Variants in NCKAP5 observed in about 807,000 individuals in gnomAD.
NCKAP5 encodes NCK associated protein 5, also known as nck-associated protein 5.
A neutral mutation model predicts 167.0 loss-of-function variants in NCKAP5; 92 were observed. The ratio of observed to expected loss-of-function variants is 0.55; its 90% CI spans 0.47 to 0.66. NCKAP5 has a LOEUF of 0.66. NCKAP5 is among the 30% of genes least tolerant of loss of function. NCKAP5 has a pLI of 0.00. For synonymous variants in NCKAP5, 891 were observed against 877.4 expected (o/e 1.02, Z -0.27); for missense variants, 2,378 against 2,315.0 (o/e 1.03, Z -0.56).
intron 3 of NCKAP5, among the ~76,000 whole-genome samples, chr2:133,470,557 C>A (rs112477318): frequency 1.8e-4 from 27 of 152,362 alleles, no homozygotes; most frequent in African/African-American, 6.3e-4. Flanking sequence ...AGCTTCCTGG[C>A]TGCTTTGTTT....
At chr2:133,060,566 T>A (rs1348531649) in intron 6 of NCKAP5, among the ~76,000 whole-genome samples, 1 of 152,188 alleles carries the variant, frequency 6.6e-6, no homozygotes, top group African/African-American at 2.4e-5. Context: ...GTCCCTGAAA[T>A]CCACTTCACT....
At chr2:132,880,130 T>C (rs1230843141) in intron 8 of NCKAP5, among the ~76,000 whole-genome samples, 2 of 152,176 alleles carry the variant, frequency 1.3e-5, no homozygotes, top group African/African-American at 2.4e-5. Flanking sequence ...AAATGATAGA[T>C]ACTAGAGGCT....
intron 4 of NCKAP5, among the ~76,000 whole-genome samples, chr2:133,233,885 A>T (rs1302511178): frequency 6.6e-6 from 1 of 152,152 alleles, no homozygotes; most frequent in Non-Finnish European, 1.5e-5. Flanking sequence ...TACAGAGGCG[A>T]TTTCTTTGGA....
chr2:133,048,404 AG>A (rs2149477718), intron 6 of NCKAP5, among the ~76,000 whole-genome samples: 1 of 152,350 alleles, frequency 6.6e-6, no homozygotes, highest in African/African-American at 2.4e-5. Flanking sequence ...TGAAACAAAA[AG>A]GGTTCACCTT....
intron 8 of NCKAP5, among the ~76,000 whole-genome samples, chr2:132,944,191 G>T (rs1014268435): frequency 3.9e-5 from 6 of 152,178 alleles, no homozygotes; most frequent in South Asian, 2.1e-4. Flanking sequence ...GAATATGGGA[G>T]TTATCCCTGG....
intron 6 of NCKAP5, among the ~76,000 whole-genome samples, chr2:133,040,845 A>G (rs1314457697): frequency 6.6e-6 from 1 of 152,170 alleles, no homozygotes; most frequent in Non-Finnish European, 1.5e-5. Flanking sequence ...GCTGGTCTAT[A>G]TTTCAGACAT....
chr2:132,782,151 C>CT lies in NCKAP5; in HGVS notation c.4659dup (p.Glu1554ArgfsTer6). 1.2e-6 allele frequency: 2 copies of CT among 1,609,246 alleles called. No homozygotes were observed. The highest frequency in any genetic ancestry group is 1.1e-5 in the South Asian group (1 of 89,534). ...CACTGTAGTTCAGGCTTCTTTTTCTCTTTTTTTCTTTCTGATTTTAGTTGT... is the reference window on the plus strand; with the variant it reads ...CACTGTAGTTCAGGCTTCTTTTTCTCTTTTTTTTCTTTCTGATTTTAGTTGT... On this transcript the variant is annotated frameshift_variant, in exon 14 of 20. Coordinates refer to ENST00000409261, the MANE Select transcript of NCKAP5 (RefSeq NM_207363.3). LOFTEE classifies it high-confidence loss of function.
chr2:133,148,129 C>T (rs2083265162), intron 5 of NCKAP5, among the ~76,000 whole-genome samples: 3 of 152,002 alleles, frequency 2.0e-5, no homozygotes, highest in Admixed American at 2.0e-4. Context: ...TGCTATCAGC[C>T]TGATAGAATT....
intron 5 of NCKAP5, among the ~76,000 whole-genome samples, chr2:133,184,399 G>A (rs926889192): frequency 3.3e-5 from 5 of 152,034 alleles, no homozygotes; most frequent in South Asian, 2.1e-4. Context: ...CCATGTCTTC[G>A]TTATTGTGAA....
intron 19 of NCKAP5, among the ~76,000 whole-genome samples, chr2:132,718,037 C>T (rs767416304): frequency 1.3e-5 from 2 of 152,160 alleles, no homozygotes; most frequent in African/African-American, 2.4e-5. Flanking sequence ...GCCAACAATA[C>T]GGCACTAGGC....
chr2:133,380,777 T>A (rs1686465297), intron 3 of NCKAP5, among the ~76,000 whole-genome samples: 1 of 152,200 alleles, frequency 6.6e-6, no homozygotes, highest in Non-Finnish European at 1.5e-5. Flanking sequence ...TTTAACAAGA[T>A]CCCTAGGTAA....
At position 132,784,543 on chromosome 2, in the gene NCKAP5, A is replaced by G. The variant is rs752107370; in HGVS notation, c.2268T>C (p.Thr756=). ...DNVDNVPRVS[T]ESFSSRTVTQ... ...TCACTGTCCTGGAGCTGAAAGATTCAGTGGACACCCTGGGAACATTATCTA... is the reference window on the plus strand; with the variant it reads ...TCACTGTCCTGGAGCTGAAAGATTCGGTGGACACCCTGGGAACATTATCTA... The change falls in exon 14 of 20, where the codon ACT becomes ACC. Residue 756 remains threonine (T), a synonymous_variant. Coordinates refer to ENST00000409261, the MANE Select transcript of NCKAP5 (RefSeq NM_207363.3). 11 of 1,568,158 alleles carry G rather than the reference A, an allele frequency of 7.0e-6. No individual in the cohort carries two copies. In the South Asian group the frequency reaches 1.3e-4, roughly 19 times the overall value.
intron 8 of NCKAP5, among the ~76,000 whole-genome samples, chr2:132,879,241 G>C (rs541776416): frequency 2.0e-5 from 3 of 152,194 alleles, no homozygotes; most frequent in Admixed American, 2.0e-4. Flanking sequence ...ATGTAAATGG[G>C]AGAAATGCCT....
chr2:132,754,395 C>A (rs1433129248), intron 16 of NCKAP5, among the ~76,000 whole-genome samples: 2 of 152,094 alleles, frequency 1.3e-5, no homozygotes, highest in Admixed American at 1.3e-4. Context: ...TTTATTCAAG[C>A]AAGACAATAA....
the NCKAP5 span, among the ~76,000 whole-genome samples, chr2:133,594,374 T>C: frequency 6.6e-6 from 1 of 152,174 alleles, no homozygotes. Flanking sequence ...ATCATCTCTC[T>C]TCTTGGCACT....
chr2:133,065,054 C>A lies in NCKAP5; in HGVS notation c.341+64924G>T, dbSNP rs192254107. ...CAGACCCATGAACAGAGTCATTTAG[C>A]CTCATTCTCTTGTTTTAAAGTGTTG... On this transcript the variant is annotated intron_variant, in intron 6 of 19. Coordinates refer to ENST00000409261, the MANE Select transcript of NCKAP5 (RefSeq NM_207363.3). Among the ~76,000 whole-genome samples the A allele has an allele frequency of 3.1e-3, 474 of 152,264 alleles. 3 individuals are homozygous for A. Among genetic ancestry groups the A allele is most frequent in the African/African-American group, 0.01 (426 of 41,548 alleles).
chr2:133,021,549 A>G (rs1559058827), intron 6 of NCKAP5, among the ~76,000 whole-genome samples: 1 of 152,248 alleles, frequency 6.6e-6, no homozygotes, highest in East Asian at 1.9e-4. Flanking sequence ...TGTGTCAGTA[A>G]GTGTGTATAC....
chr2:132,765,976 G>A (rs1162408272), intron 16 of NCKAP5, among the ~76,000 whole-genome samples: 1 of 151,930 alleles, frequency 6.6e-6, no homozygotes, highest in Admixed American at 6.6e-5. Context: ...GGTAACTTCG[G>A]GAATGAAAAT....
chr2:132,688,666 G>T (rs888990242), intron 19 of NCKAP5, among the ~76,000 whole-genome samples: 3 of 152,114 alleles, frequency 2.0e-5, no homozygotes, highest in African/African-American at 4.8e-5. Context: ...GGGGGAAGGG[G>T]AGGTGCAGAC....
Sources: gnomAD v4.1 joint callset for allele counts (sites outside exome capture counted in the v4.1 genomes callset) on GRCh38, gnomAD v4.1.1 for gene constraint, MANE v1.5 for transcripts, NCBI Gene and HGNC (gene_info 2026-07-23, HGNC 2026-07-21) for gene names.